ATP10B: variants seen among roughly 807,000 people sequenced by gnomAD.
ATP10B encodes phospholipid-transporting ATPase VB.
A neutral mutation model predicts 141.2 loss-of-function variants in ATP10B; 122 were observed. The observed-to-expected ratio is 0.86, with a 90% CI of 0.75 to 1.00. The LOEUF (loss-of-function observed/expected upper bound fraction) is 1.00. Among genes scored for constraint, ATP10B ranks in the 50% least tolerant of loss-of-function variants. The pLI is 0.00. For missense variants in ATP10B, 1,876 were observed against 1,825.3 expected (o/e 1.03, Z -0.51); for synonymous variants, 685 against 692.0 (o/e 0.99, Z 0.16).
At chr5:160,856,457 G>A (rs996589188), upstream of ATP10B, among the ~76,000 whole-genome samples, 5 of 151,572 alleles carry the variant, frequency 3.3e-5, no homozygotes, top group Admixed American at 6.6e-5. Context: ...AAATAGAAAC[G>A]GTATTATTTC....
chr5:160,674,444 G>A (rs1762903347), intron 6 of ATP10B, among the ~76,000 whole-genome samples: 1 of 152,198 alleles, frequency 6.6e-6, no homozygotes, highest in Non-Finnish European at 1.5e-5. Flanking sequence ...CATGATCTAA[G>A]TATCAAAGGA....
intron 6 of ATP10B, among the ~76,000 whole-genome samples, chr5:160,671,172 A>G (rs1389924035): frequency 6.7e-6 from 1 of 148,864 alleles, no homozygotes; most frequent in African/African-American, 2.5e-5. Context: ...CTCAAAAAAA[A>G]AAAAAAAAAA....
chr5:160,901,283 T>G, the ATP10B span, among the ~76,000 whole-genome samples: 1 of 152,226 alleles, frequency 6.6e-6, no homozygotes, highest in South Asian at 2.1e-4. Context: ...AAATCTGTCA[T>G]TGTTTGCTCT....
chr5:160,819,046 G>T lies in ATP10B; in HGVS notation c.-576+32895C>A, dbSNP rs188432336. Among the ~76,000 whole-genome samples, 1,063 of 152,222 alleles carry T rather than the reference G, an allele frequency of 7.0e-3. 17 individuals carry two copies. The highest frequency in any genetic ancestry group is 0.024 in the African/African-American group (1,001 of 41,534). ...GATAGCATTAGGAGATATACCTAATGCTAATGACGAGTTAATGGGTGCAGC... is the reference window on the plus strand; with the variant it reads ...GATAGCATTAGGAGATATACCTAATTCTAATGACGAGTTAATGGGTGCAGC... On this transcript the variant is annotated intron_variant, in intron 1 of 25. Coordinates refer to ENST00000327245, the MANE Select transcript of ATP10B (RefSeq NM_025153.3).
Position 160,602,939 on chromosome 5 carries a change from G to A in ATP10B, c.3238-237C>T. 7.1e-6 allele frequency: 3 copies of A among 424,902 alleles called. 1 individual carries two copies. The South Asian group carries it at 7.9e-5, about 11-fold the overall frequency. 26.3% of individuals were successfully genotyped at this position (424,902 alleles called of 1,614,324 possible). A position where few individuals can be genotyped will look rare whatever the true frequency, so the allele number is the denominator to read the frequency against. ...TCAGAAGGGATCAGTGGTCTAGGCT[G>A]GCTCTTCATCCGTTTATCCAGCAAG... is the stretch of plus-strand genomic sequence containing the variant. On this transcript the variant is annotated intron_variant, in intron 20 of 25. Transcript: ENST00000327245.
the ATP10B span, among the ~76,000 whole-genome samples, chr5:160,927,366 G>GGT: frequency 6.6e-6 from 1 of 152,156 alleles, no homozygotes; most frequent in African/African-American, 2.4e-5. Context: ...GACAAGCTGG[G>GGT]GTGAGTCAGA....
At chr5:160,675,602 C>T (rs1224344417) in intron 6 of ATP10B, among the ~76,000 whole-genome samples, 2 of 152,148 alleles carry the variant, frequency 1.3e-5, no homozygotes, top group Non-Finnish European at 2.9e-5. Flanking sequence ...CTTCCCATTC[C>T]ACACAGGATG....
intron 1 of ATP10B, among the ~76,000 whole-genome samples, 167 bp from the exon 2 acceptor site, chr5:160,785,970 T>G (rs1490575313): frequency 6.6e-6 from 1 of 152,180 alleles, no homozygotes; most frequent in African/African-American, 2.4e-5. Context: ...AGTAGAAACA[T>G]TTTATTTCTG....
rs1246184948 is a variant in ATP10B at position 160,810,898 on chromosome 5, T to A, written c.-575-25095A>T. ...GTTACAAACTTTATCCTATTTGGGG[T>A]TTGTTCAACTTGTTGGATTTGTAAT... On this transcript the variant is annotated intron_variant, in intron 1 of 25. Transcript: ENST00000327245. Among the ~76,000 whole-genome samples, 4 of 152,300 alleles carry A rather than the reference T, an allele frequency of 2.6e-5. No homozygotes were observed. The East Asian group carries it at 5.8e-4, about 22-fold the overall frequency.
At chr5:160,922,431 T>A in the ATP10B span, among the ~76,000 whole-genome samples, 10 of 152,198 alleles carry the variant, frequency 6.6e-5, no homozygotes, top group Admixed American at 3.3e-4. Flanking sequence ...TAGTTTCAGA[T>A]GATTCACTGA....
chr5:160,604,726 A>ACACACACAC (rs1757286172), intron 19 of ATP10B, among the ~76,000 whole-genome samples: 1 of 152,146 alleles, frequency 6.6e-6, no homozygotes, highest in Non-Finnish European at 1.5e-5. Flanking sequence ...ACACATAAAC[A>ACACACACAC]CACACACACG....
intron 1 of ATP10B, among the ~76,000 whole-genome samples, chr5:160,823,757 C>T (rs1488554409): frequency 6.6e-6 from 1 of 151,980 alleles, no homozygotes; most frequent in Admixed American, 6.6e-5. Flanking sequence ...TGGCATGAAC[C>T]CAGTAGGCGG....
intron 7 of ATP10B, among the ~76,000 whole-genome samples, chr5:160,668,017 G>T (rs1037786947): frequency 2.0e-5 from 3 of 152,084 alleles, no homozygotes; most frequent in Admixed American, 2.0e-4. Context: ...ATCACTTCAG[G>T]TCAGGAGTTC....
chr5:160,928,807 A>G, the ATP10B span, among the ~76,000 whole-genome samples: 1 of 152,222 alleles, frequency 6.6e-6, no homozygotes, highest in Non-Finnish European at 1.5e-5. Context: ...TAGTACAACT[A>G]GTGCCCAATG....
chr5:160,566,017 G>T, intron 25 of ATP10B, 117 bp from the exon 26 acceptor site: 1 of 960,382 alleles, frequency 1.0e-6, no homozygotes, highest in Non-Finnish European at 1.5e-6. Context: ...CCTCTTTACT[G>T]CTATTAAATC....
chr5:160,719,709 A>T (rs1419934581), intron 2 of ATP10B, among the ~76,000 whole-genome samples: 1 of 152,262 alleles, frequency 6.6e-6, no homozygotes, highest in Non-Finnish European at 1.5e-5. Context: ...AAGTAAAATA[A>T]TATGGCCATT....
intron 1 of ATP10B, among the ~76,000 whole-genome samples, chr5:160,816,431 A>G (rs988231416): frequency 5.3e-5 from 8 of 152,038 alleles, no homozygotes; most frequent in Admixed American, 3.3e-4. Context: ...GGACACATAC[A>G]CCCTCCCATG....
intron 1 of ATP10B, among the ~76,000 whole-genome samples, chr5:160,821,211 A>T (rs1287799161): frequency 6.6e-6 from 1 of 152,294 alleles, no homozygotes; most frequent in South Asian, 2.1e-4. Context: ...GCATTTTTAT[A>T]TACCAACAGT....
At chr5:160,882,355 G>C in the ATP10B span, among the ~76,000 whole-genome samples, 6 of 152,134 alleles carry the variant, frequency 3.9e-5, no homozygotes, top group Non-Finnish European at 8.8e-5. Context: ...CATGTGTAGG[G>C]GATGGGATAT....
Sources: allele counts gnomAD v4.1 joint callset (sites outside exome capture counted in the v4.1 genomes callset), GRCh38; gene constraint gnomAD v4.1.1; transcripts MANE v1.5; gene names NCBI Gene and HGNC (gene_info 2026-07-23, HGNC 2026-07-21).